LRRC69: variants seen among roughly 807,000 people sequenced by gnomAD.
LRRC69 encodes leucine-rich repeat-containing protein 69.
LRRC69 carries 42 observed loss-of-function variants against 37.8 expected under a neutral mutation model. The ratio of observed to expected loss-of-function variants is 1.11; its 90% CI spans 0.87 to 1.44. LRRC69 has a LOEUF of 1.44. Ranked by LOEUF, LRRC69 falls within the 40% of genes most tolerant of loss-of-function variation. The probability of loss-of-function intolerance (pLI) is 0.00; values close to 1 mark genes in which losing one functional copy is unlikely to be tolerated. For missense variants in LRRC69, 357 were observed against 401.9 expected (o/e 0.89, Z 0.96); for synonymous variants, 141 against 143.1 (o/e 0.99, Z 0.11).
chr8:91,180,033 C>T (rs906782456), intron 5 of LRRC69, among the ~76,000 whole-genome samples: 1 of 152,098 alleles, frequency 6.6e-6, no homozygotes, highest in African/African-American at 2.4e-5. Flanking sequence ...TGGGATTTAT[C>T]CATATATTTA....
chr8:91,166,541 T>C (rs1424240852), intron 5 of LRRC69, among the ~76,000 whole-genome samples: 1 of 134,480 alleles, frequency 7.4e-6, no homozygotes, highest in Non-Finnish European at 1.6e-5. Context: ...AAAATCCTAA[T>C]ATTAGCAATT....
At chr8:91,132,778 G>T (rs151041075) in intron 3 of LRRC69, among the ~76,000 whole-genome samples, 1 of 151,846 alleles carries the variant, frequency 6.6e-6, no homozygotes, top group Admixed American at 6.6e-5. Flanking sequence ...AGGTATGTCC[G>T]TGTTCTCCTT....
chr8:91,195,426 C>CCTGT (rs1198879234), intron 6 of LRRC69, among the ~76,000 whole-genome samples: 2 of 151,736 alleles, frequency 1.3e-5, no homozygotes, highest in African/African-American at 4.8e-5. Flanking sequence ...GTTGATCTGT[C>CCTGT]TAATGTTGAC....
intron 7 of LRRC69, among the ~76,000 whole-genome samples, chr8:91,214,265 G>A (rs1809995802): frequency 6.6e-6 from 1 of 152,166 alleles, no homozygotes; most frequent in Admixed American, 6.6e-5. Context: ...AAGGGAGCTG[G>A]TTTGGGAGGC....
intron 7 of LRRC69, among the ~76,000 whole-genome samples, chr8:91,205,066 C>T (rs1052630678): frequency 6.6e-6 from 1 of 152,106 alleles, no homozygotes; most frequent in African/African-American, 2.4e-5. Flanking sequence ...GATATTGACA[C>T]AAGCCAAGAA....
intron 7 of LRRC69, 101 bp downstream of exon 7, chr8:91,200,893 G>T (rs1027251133): frequency 1.8e-6 from 2 of 1,128,472 alleles, no homozygotes; most frequent in Non-Finnish European, 2.4e-6. Flanking sequence ...CCTATGATTG[G>T]CTTATAGGAT....
chr8:91,133,636 CTT>C (rs1813850525), intron 4 of LRRC69, among the ~76,000 whole-genome samples: 1 of 151,474 alleles, frequency 6.6e-6, no homozygotes, highest in African/African-American at 2.4e-5. Flanking sequence ...TTTGGTATTT[CTT>C]TCTTTCTTCT....
intron 5 of LRRC69, among the ~76,000 whole-genome samples, chr8:91,188,944 C>T (rs1051483674): frequency 6.6e-6 from 1 of 151,972 alleles, no homozygotes; most frequent in African/African-American, 2.4e-5. Context: ...CTTGCCTCAG[C>T]CTCCCGAGTA....
chr8:91,146,969 C>T (rs1808631378), intron 5 of LRRC69, among the ~76,000 whole-genome samples: 1 of 151,578 alleles, frequency 6.6e-6, no homozygotes, highest in South Asian at 2.1e-4. Flanking sequence ...CAAAGTATTA[C>T]CTGGCCCAAA....
chr8:91,131,439 A>G (rs1489498620), intron 3 of LRRC69, among the ~76,000 whole-genome samples: 1 of 151,872 alleles, frequency 6.6e-6, no homozygotes, highest in East Asian at 1.9e-4. Flanking sequence ...GAATCTATAG[A>G]TCAATATTAA....
chr8:91,177,729 G>A (rs979100180), intron 5 of LRRC69, among the ~76,000 whole-genome samples: 4 of 152,042 alleles, frequency 2.6e-5, no homozygotes, highest in Non-Finnish European at 5.9e-5. Context: ...AGAAATAAAA[G>A]TCTGTAGGTT....
intron 5 of LRRC69, among the ~76,000 whole-genome samples, chr8:91,177,908 G>T (rs1016051604): frequency 1.3e-5 from 2 of 148,478 alleles, no homozygotes; most frequent in African/African-American, 5.1e-5. Flanking sequence ...GAGTACAGTG[G>T]CATGATCTCG....
At chr8:91,112,663 G>A (rs1813428306) in intron 1 of LRRC69, among the ~76,000 whole-genome samples, 1 of 151,938 alleles carries the variant, frequency 6.6e-6, no homozygotes, top group Non-Finnish European at 1.5e-5. Flanking sequence ...AGCTTTTTCT[G>A]TAATATCTGG....
chr8:91,117,945 G>GA (rs897587454), intron 1 of LRRC69, among the ~76,000 whole-genome samples: 1 of 151,630 alleles, frequency 6.6e-6, no homozygotes, highest in Non-Finnish European at 1.5e-5. Flanking sequence ...ATAGTTAAGG[G>GA]AAAATGGAAA....
At chr8:91,197,761 T>G (rs1036158902) in intron 6 of LRRC69, among the ~76,000 whole-genome samples, 4 of 151,950 alleles carry the variant, frequency 2.6e-5, no homozygotes, top group African/African-American at 9.7e-5. Context: ...CCTAGTGAGA[T>G]GAACCCGGTA....
intron 5 of LRRC69, among the ~76,000 whole-genome samples, chr8:91,152,237 G>A (rs777655539): frequency 2.6e-5 from 4 of 151,612 alleles, no homozygotes; most frequent in Middle Eastern, 3.4e-3. Context: ...TATTGCCTGC[G>A]TTTTCTTCTA....
chr8:91,200,725 G>T (rs368214508), exon 7 of LRRC69: 43 of 1,538,292 alleles, frequency 2.8e-5, no homozygotes, highest in Non-Finnish European at 3.5e-5. Context: ...GGAAAAACAT[G>T]TGCAATATGT....
chr8:91,192,469 A>C (rs1177016941), intron 6 of LRRC69, among the ~76,000 whole-genome samples: 1 of 151,464 alleles, frequency 6.6e-6, no homozygotes, highest in Admixed American at 6.6e-5. Context: ...CCAACAGTGT[A>C]AAAGTGTTCC....
intron 5 of LRRC69, among the ~76,000 whole-genome samples, chr8:91,147,212 T>G (rs1043120787): frequency 1.4e-5 from 2 of 147,468 alleles, no homozygotes; most frequent in African/African-American, 5.0e-5. Context: ...GTTTATTTTT[T>G]TCTCATATGA....
Sources: gnomAD v4.1 joint callset for allele counts (sites outside exome capture counted in the v4.1 genomes callset) on GRCh38, gnomAD v4.1.1 for gene constraint, MANE v1.5 for transcripts, NCBI Gene and HGNC (gene_info 2026-07-23, HGNC 2026-07-21) for gene names.